The following PCNX2 variants were observed in gnomAD, a reference collection of about 807,000 sequenced individuals.
PCNX2 encodes pecanex 2, also known as pecanex-like protein 2.
A neutral mutation model predicts 223.8 loss-of-function variants in PCNX2; 168 were observed. The observed-to-expected ratio is 0.75, with a 90% CI of 0.66 to 0.85. The LOEUF (loss-of-function observed/expected upper bound fraction) is 0.85, where lower values mean the gene tolerates loss of function less well. Among genes scored for constraint, PCNX2 ranks in the 40% least tolerant of loss-of-function variants. The pLI is 0.00. For missense variants in PCNX2, 2,507 were observed against 2,675.5 expected (o/e 0.94, Z 1.39); for synonymous variants, 1,006 against 1,052.6 (o/e 0.96, Z 0.86).
chr1:233,113,669 C>A (rs1675246677), intron 21 of PCNX2, among the ~76,000 whole-genome samples: 1 of 152,222 alleles, frequency 6.6e-6, no homozygotes, highest in African/African-American at 2.4e-5. Context: ...AACACAGACG[C>A]ACTAGAGGTG....
intron 5 of PCNX2, among the ~76,000 whole-genome samples, chr1:233,257,236 A>G (rs1659779470): frequency 7.0e-6 from 1 of 143,490 alleles, no homozygotes; most frequent in South Asian, 2.2e-4. Flanking sequence ...ATCAAATCTC[A>G]GTTCCAGCAC....
intron 10 of PCNX2, 36 bp downstream of exon 10, chr1:233,227,190 C>G: frequency 6.3e-7 from 1 of 1,581,856 alleles, no homozygotes; most frequent in Non-Finnish European, 8.6e-7. Flanking sequence ...CCCCGGTGTG[C>G]CTTCCGACAG....
intron 21 of PCNX2, chr1:233,112,907 T>C (rs756919166): frequency 7.8e-7 from 1 of 1,289,316 alleles, no homozygotes; most frequent in Non-Finnish European, 1.0e-6. Context: ...TGAGATGAAC[T>C]GCAGTAACTT....
chr1:233,044,404 T>G (rs1365336402), intron 25 of PCNX2, among the ~76,000 whole-genome samples: 1 of 152,184 alleles, frequency 6.6e-6, no homozygotes, highest in Non-Finnish European at 1.5e-5. Flanking sequence ...CAGAAGCTCT[T>G]TAGTTTAATT....
At chr1:233,098,315 T>G (rs189500777) in intron 21 of PCNX2, among the ~76,000 whole-genome samples, 1 of 152,224 alleles carries the variant, frequency 6.6e-6, no homozygotes, top group Non-Finnish European at 1.5e-5. Context: ...AGTTGGAAGC[T>G]CTAACAAGTT....
intron 27 of PCNX2, among the ~76,000 whole-genome samples, chr1:233,015,527 T>C (rs1670624148): frequency 6.6e-6 from 1 of 151,928 alleles, no homozygotes; most frequent in South Asian, 2.1e-4. Flanking sequence ...GGCAAAACCC[T>C]GTCTCTACTA....
At chr1:233,252,848 G>A in intron 5 of PCNX2, 60 bp from the exon 6 acceptor site, 10 of 1,430,822 alleles carry the variant, frequency 7.0e-6, no homozygotes, top group East Asian at 2.6e-5. Context: ...GAAAACTCTG[G>A]GAAATAAGTT....
At chr1:233,151,009 C>T (rs1237037830) in intron 19 of PCNX2, among the ~76,000 whole-genome samples, 1 of 151,772 alleles carries the variant, frequency 6.6e-6, no homozygotes, top group East Asian at 1.9e-4. Flanking sequence ...CTCACTGTGG[C>T]CACAGGGTAG....
intron 21 of PCNX2, among the ~76,000 whole-genome samples, chr1:233,129,344 G>A (rs569086933): frequency 7.2e-5 from 11 of 152,236 alleles, no homozygotes; most frequent in South Asian, 2.1e-4. Context: ...GCCTCCCCAC[G>A]GGGCAGGGCT....
intron 19 of PCNX2, among the ~76,000 whole-genome samples, chr1:233,150,905 A>T (rs73109218): frequency 0.021 from 3,262 of 152,268 alleles, 101 homozygotes; most frequent in African/African-American, 0.073. Context: ...TTTAAAACTG[A>T]AAAAGCGAAT....
intron 12 of PCNX2, among the ~76,000 whole-genome samples, chr1:233,215,340 C>A (rs1390910222): frequency 6.6e-6 from 1 of 152,324 alleles, no homozygotes; most frequent in Non-Finnish European, 1.5e-5. Context: ...ACTTAGAAAT[C>A]TGTGTAAGCA....
At chr1:233,167,674 A>G in intron 17 of PCNX2, 2 of 900,924 alleles carry the variant, frequency 2.2e-6, no homozygotes, top group Non-Finnish European at 2.7e-6. Context: ...ATTGTGTTAT[A>G]TACTTTAAAT....
intron 28 of PCNX2, among the ~76,000 whole-genome samples, chr1:233,014,358 T>C (rs1292096013): frequency 1.3e-5 from 2 of 152,150 alleles, no homozygotes; most frequent in African/African-American, 2.4e-5. Flanking sequence ...AGGCACTTCA[T>C]AGGCATGATT....
At chr1:233,091,268 G>C (rs1466053077) in intron 22 of PCNX2, among the ~76,000 whole-genome samples, 1 of 152,030 alleles carries the variant, frequency 6.6e-6, no homozygotes, top group African/African-American at 2.4e-5. Flanking sequence ...GTTGACAGCT[G>C]TATCTCTCTC....
rs1341347054 is a variant in PCNX2, at chr1:233,160,130, A to G, written c.3517+153T>C. ...TACACGTTCTCCTTTTTTCTTTTTTATTGTGGTAAAATACACATAATGTAC... is the reference window on the plus strand; with the variant it reads ...TACACGTTCTCCTTTTTTCTTTTTTGTTGTGGTAAAATACACATAATGTAC... On this transcript the variant is annotated intron_variant, in intron 19 of 33. Coordinates refer to ENST00000258229, the MANE Select transcript of PCNX2 (RefSeq NM_014801.4). 3.4e-5 allele frequency: 27 copies of G among 794,180 alleles called. No homozygotes were observed. The Admixed American group carries it at 8.0e-4, about 24-fold the overall frequency. 49.2% of individuals were successfully genotyped at this position (794,180 alleles called of 1,614,324 possible). A position where few individuals can be genotyped will look rare whatever the true frequency, so the allele number is the denominator to read the frequency against.
intron 10 of PCNX2, among the ~76,000 whole-genome samples, chr1:233,221,366 T>C (rs1657367918): frequency 6.6e-6 from 1 of 152,100 alleles, no homozygotes; most frequent in South Asian, 2.1e-4. Flanking sequence ...CCAAAGGTCT[T>C]TGAAATAAAA....
At chr1:233,113,834 T>C (rs1675256829) in intron 21 of PCNX2, among the ~76,000 whole-genome samples, 1 of 152,244 alleles carries the variant, frequency 6.6e-6, no homozygotes, top group South Asian at 2.1e-4. Context: ...AACCAGTCTT[T>C]ACTCCTGAGC....
chr1:233,301,255 T>G, the PCNX2 span, among the ~76,000 whole-genome samples: 1 of 152,246 alleles, frequency 6.6e-6, no homozygotes, highest in Non-Finnish European at 1.5e-5. Context: ...TTTAAAATTA[T>G]AATTGATATT....
intron 13 of PCNX2, 111 bp from the exon 14 acceptor site, chr1:233,200,375 G>A: frequency 1.9e-6 from 1 of 532,348 alleles, no homozygotes; most frequent in Non-Finnish European, 3.2e-6. Flanking sequence ...AGGAATACTG[G>A]AGGCAATCTT....
Sources: allele counts gnomAD v4.1 joint callset (sites outside exome capture counted in the v4.1 genomes callset), GRCh38; gene constraint gnomAD v4.1.1; transcripts MANE v1.5; gene names NCBI Gene and HGNC (gene_info 2026-07-23, HGNC 2026-07-21).